The following LOC728743 variants were observed in gnomAD, a reference collection of about 807,000 sequenced individuals.
chr7:150,404,135 G>C, the LOC728743 span, among the ~76,000 whole-genome samples: 2 of 152,258 alleles, frequency 1.3e-5, no homozygotes, highest in Non-Finnish European at 1.5e-5. Flanking sequence ...GCCTTGGAGA[G>C]AGAGTCGCGT....
At chr7:150,406,655 G>A in the LOC728743 span, among the ~76,000 whole-genome samples, 3 of 152,150 alleles carry the variant, frequency 2.0e-5, no homozygotes, top group Non-Finnish European at 4.4e-5. Context: ...GCTGTTGTGA[G>A]GACAATGGGA....
At chr7:150,403,569 T>C in the LOC728743 span, among the ~76,000 whole-genome samples, 1 of 152,094 alleles carries the variant, frequency 6.6e-6, no homozygotes, top group East Asian at 1.9e-4. This position sits in a 1 kb window ranked among gnomAD's most constrained non-coding sequence, Gnocchi z 5.1. Context: ...AGCTGGGCAG[T>C]GTTGATGTGC....
the LOC728743 span, among the ~76,000 whole-genome samples, chr7:150,407,191 AG>A: frequency 6.6e-6 from 1 of 152,096 alleles, no homozygotes; most frequent in African/African-American, 2.4e-5. Flanking sequence ...GCATGGTGCT[AG>A]GTGCTGGGGT....
At chr7:150,409,338 C>T in the LOC728743 span, among the ~76,000 whole-genome samples, 1 of 152,100 alleles carries the variant, frequency 6.6e-6, no homozygotes, top group African/African-American at 2.4e-5. Flanking sequence ...GCTGGAGCCT[C>T]GAGGGGCTTG....
chr7:150,410,241 G>A, the LOC728743 span: 2 of 398,718 alleles, frequency 5.0e-6, no homozygotes, highest in South Asian at 2.5e-4. Flanking sequence ...TTCCATGGAG[G>A]CCTGGCTGGC....
At chr7:150,409,048 C>T in the LOC728743 span, among the ~76,000 whole-genome samples, 1 of 151,432 alleles carries the variant, frequency 6.6e-6, no homozygotes, top group South Asian at 2.1e-4. Flanking sequence ...GGTTTCTCTT[C>T]GTCACCCAGG....
At chr7:150,408,107 T>C in the LOC728743 span, 9 of 380,452 alleles carry the variant, frequency 2.4e-5, no homozygotes, top group East Asian at 3.4e-4. Flanking sequence ...GCGGCGGCCC[T>C]ACTTCTGCCC....
the LOC728743 span, chr7:150,410,689 A>G: frequency 1.3e-5 from 2 of 152,782 alleles, no homozygotes; most frequent in Non-Finnish European, 2.9e-5. Flanking sequence ...CCCTTGGAAA[A>G]TCTGATGAAG....
chr7:150,401,413 T>C, the LOC728743 span, among the ~76,000 whole-genome samples: 2 of 152,214 alleles, frequency 1.3e-5, no homozygotes, highest in African/African-American at 4.8e-5. Flanking sequence ...GGCAGGCCCC[T>C]CGTGGACTTG....
the LOC728743 span, among the ~76,000 whole-genome samples, chr7:150,402,538 C>G: frequency 2.0e-5 from 3 of 152,256 alleles, no homozygotes; most frequent in Non-Finnish European, 4.4e-5. Context: ...CTATTGTATG[C>G]TGGACACGTG....
At chr7:150,407,615 A>T in the LOC728743 span, 1 of 398,728 alleles carries the variant, frequency 2.5e-6, no homozygotes, top group Non-Finnish European at 4.4e-6. Flanking sequence ...AGTGCCCATG[A>T]CCGAGCTGGC....
the LOC728743 span, chr7:150,408,481 T>C: frequency 9.7e-6 from 3 of 310,744 alleles, no homozygotes; most frequent in African/African-American, 6.6e-5. Flanking sequence ...CCATCCGGCC[T>C]AGAGCAGGTG....
chr7:150,410,312 G>A, the LOC728743 span: 2 of 397,382 alleles, frequency 5.0e-6, no homozygotes, highest in Non-Finnish European at 4.4e-6. Flanking sequence ...GTGCACTGCG[G>A]TGACCAGTGG....
chr7:150,409,630 G>T, the LOC728743 span, among the ~76,000 whole-genome samples: 1 of 152,198 alleles, frequency 6.6e-6, no homozygotes, highest in Admixed American at 6.5e-5. Flanking sequence ...AGTGGACGAT[G>T]GAGCAGGGAG....
the LOC728743 span, among the ~76,000 whole-genome samples, chr7:150,403,621 G>A: frequency 3.6e-4 from 55 of 152,266 alleles, no homozygotes; most frequent in East Asian, 9.7e-3. The surrounding 1 kb of genome is among the most constrained non-coding windows in gnomAD (Gnocchi z 5.1). Context: ...CAGCACCTGG[G>A]GTGCTGGTGT....
chr7:150,402,552 CAA>C, the LOC728743 span, among the ~76,000 whole-genome samples: 1 of 152,362 alleles, frequency 6.6e-6, no homozygotes, highest in South Asian at 2.1e-4. Flanking sequence ...ACACGTGGGA[CAA>C]AGAGACGCTA....
At chr7:150,405,174 G>C in the LOC728743 span, 1 of 152,250 alleles carries the variant, frequency 6.6e-6, no homozygotes, top group African/African-American at 2.4e-5. Context: ...GCCCGGGCGG[G>C]CGCAGCGCTG....
the LOC728743 span, chr7:150,410,710 T>C: frequency 6.6e-6 from 1 of 152,428 alleles, no homozygotes; most frequent in Non-Finnish European, 1.5e-5. Flanking sequence ...GTTACGGACC[T>C]TCCCTAGGAA....
the LOC728743 span, chr7:150,411,030 C>T: frequency 6.6e-6 from 1 of 152,322 alleles, no homozygotes; most frequent in South Asian, 2.1e-4. Flanking sequence ...CATTTCCCTT[C>T]CCCAGACATT....
Sources: gnomAD v4.1 joint callset for allele counts (sites outside exome capture counted in the v4.1 genomes callset) on GRCh38, gnomAD v4.1.1 for gene constraint, Gnocchi (gnomAD v3.1) non-coding constraint, MANE v1.5 for transcripts.